MYO5A: variants seen among roughly 807,000 people sequenced by gnomAD.
The protein encoded by MYO5A is unconventional myosin-Va.
MYO5A carries 98 observed loss-of-function variants against 249.7 expected under a neutral mutation model. The ratio of observed to expected loss-of-function variants is 0.39; its 90% confidence interval spans 0.33 to 0.46. The LOEUF is 0.46. MYO5A is among the 20% of genes least tolerant of loss of function. MYO5A has a pLI of 0.98. For synonymous variants in MYO5A, 778 were observed against 810.6 expected (o/e 0.96, Z 0.68); for missense variants, 1,696 against 2,308.8 (o/e 0.73, Z 5.44).
chr15:52,416,131 A>G lies in MYO5A; in HGVS notation c.612+14T>C, dbSNP rs552497339. ...AGAGAATATAGGAAGAAAGCCGAAG[A>G]CTCGCTGTCTTACCTCCATGATGGG... is the stretch of plus-strand genomic sequence containing the variant. On this transcript the variant is annotated intron_variant, in intron 5 of 41. Transcript: ENST00000399233. 3.1e-6 allele frequency: 5 copies of G among 1,613,718 alleles called. No homozygotes were observed. In the East Asian group the frequency reaches 1.1e-4, roughly 36 times the overall value.
chr15:52,361,186 A>G (rs2040506056), intron 24 of MYO5A, among the ~76,000 whole-genome samples: 1 of 152,180 alleles, frequency 6.6e-6, no homozygotes. Context: ...AAAGGGGACA[A>G]TCATCACACA....
intron 1 of MYO5A, among the ~76,000 whole-genome samples, chr15:52,501,279 T>G (rs1405138568): frequency 1.3e-5 from 2 of 148,322 alleles, no homozygotes; most frequent in African/African-American, 4.9e-5. Context: ...CCAGAAAACG[T>G]TTTTTTTTTA....
At chr15:52,417,497 A>G (rs1358023262) in intron 4 of MYO5A, among the ~76,000 whole-genome samples, 1 of 152,210 alleles carries the variant, frequency 6.6e-6, no homozygotes, top group East Asian at 1.9e-4. Flanking sequence ...CATTCAACTA[A>G]AAGTTAAATA....
chr15:52,466,567 T>C (rs2076358234), intron 1 of MYO5A, among the ~76,000 whole-genome samples: 1 of 152,208 alleles, frequency 6.6e-6, no homozygotes, highest in Non-Finnish European at 1.5e-5. Flanking sequence ...AGGTCCCATG[T>C]CTGCCAGCCA....
At chr15:52,451,318 A>G (rs956335036) in intron 1 of MYO5A, among the ~76,000 whole-genome samples, 12 of 151,998 alleles carry the variant, frequency 7.9e-5, no homozygotes, top group African/African-American at 2.9e-4. Flanking sequence ...CCCTCTCTCC[A>G]TCTCTACAGC....
chr15:52,423,893 C>T (rs1398630753), intron 4 of MYO5A, among the ~76,000 whole-genome samples: 2 of 152,178 alleles, frequency 1.3e-5, no homozygotes, highest in East Asian at 3.8e-4. Context: ...AAACCTAATA[C>T]TATCTGTGAA....
intron 37 of MYO5A, 129 bp from the exon 38 acceptor site, chr15:52,321,638 G>A: frequency 3.1e-6 from 3 of 982,476 alleles, no homozygotes; most frequent in African/African-American, 1.6e-5. Flanking sequence ...ACTAATGCCA[G>A]GACTGACATT....
chr15:52,388,004 T>A, intron 13 of MYO5A, 92 bp from the exon 14 acceptor site: 8 of 957,488 alleles, frequency 8.4e-6, no homozygotes. Flanking sequence ...AGTCTCAGGC[T>A]ATACGATCAA....
chr15:52,319,409 T>G (rs533532708), intron 38 of MYO5A, 67 bp from the exon 39 acceptor site: 1 of 1,520,856 alleles, frequency 6.6e-7, no homozygotes, highest in Non-Finnish European at 9.1e-7. Flanking sequence ...CACATATCCA[T>G]GTGCACAAAC....
Position 52,490,902 on chromosome 15 carries a change from G to A in MYO5A, c.27+37878C>T, listed in dbSNP as rs2141536611. Among the ~76,000 whole-genome samples, 2 of 151,946 alleles carry A rather than the reference G, an allele frequency of 1.3e-5. 1 individual carries two copies. Among genetic ancestry groups the A allele is most frequent in the South Asian group, 4.2e-4 (2 of 4,814 alleles). The stretch of plus-strand genomic sequence containing the variant: ...CATCCAGCTAATTTTTTTATTTTTT[G>A]TATAGACGGGGTCTCACTATGTTAC... On this transcript the variant is annotated intron_variant, in intron 1 of 41. Coordinates refer to ENST00000399233, the MANE Select transcript of MYO5A (RefSeq NM_001382347.1).
chr15:52,441,751 T>C (rs2075790101), intron 1 of MYO5A, among the ~76,000 whole-genome samples: 1 of 152,246 alleles, frequency 6.6e-6, no homozygotes, highest in African/African-American at 2.4e-5. Flanking sequence ...TACGATCTTC[T>C]GCTAGAATCC....
At chr15:52,414,889 G>A (rs2043408902) in intron 5 of MYO5A, among the ~76,000 whole-genome samples, 1 of 152,044 alleles carries the variant, frequency 6.6e-6, no homozygotes, top group African/African-American at 2.4e-5. Flanking sequence ...CTCTCTTTCG[G>A]TGCAAACATC....
chr15:52,463,071 T>C (rs1048437283), intron 1 of MYO5A, among the ~76,000 whole-genome samples: 7 of 152,164 alleles, frequency 4.6e-5, no homozygotes, highest in Admixed American at 4.6e-4. Context: ...AAATTGATTG[T>C]CAGTCTATTT....
At chr15:52,347,099 A>G (rs2141007999) in intron 29 of MYO5A, among the ~76,000 whole-genome samples, 1 of 152,176 alleles carries the variant, frequency 6.6e-6, no homozygotes, top group South Asian at 2.1e-4. Flanking sequence ...ATTATTAATT[A>G]TTTTATATAA....
At chr15:52,475,049 T>C (rs1394363947) in intron 1 of MYO5A, among the ~76,000 whole-genome samples, 1 of 152,204 alleles carries the variant, frequency 6.6e-6, no homozygotes, top group Non-Finnish European at 1.5e-5. Flanking sequence ...CTATTAATTA[T>C]TGCCTCAATT....
intron 1 of MYO5A, among the ~76,000 whole-genome samples, chr15:52,442,291 G>T (rs2075799323): frequency 6.6e-6 from 1 of 152,134 alleles, no homozygotes; most frequent in Non-Finnish European, 1.5e-5. Context: ...AGCAAGGAGG[G>T]GGACAGATGG....
chr15:52,444,366 G>A (rs762851194), intron 1 of MYO5A, among the ~76,000 whole-genome samples: 21 of 152,070 alleles, frequency 1.4e-4, no homozygotes, highest in African/African-American at 2.4e-4. Context: ...ACAGGGAAGC[G>A]AACTATATAG....
intron 14 of MYO5A, among the ~76,000 whole-genome samples, chr15:52,384,676 A>C (rs188917306): frequency 1.0e-3 from 152 of 152,332 alleles, no homozygotes; most frequent in African/African-American, 3.5e-3. Context: ...TGAAAGTCTT[A>C]TTACCTCAGT....
At chr15:52,505,043 C>T (rs779953437) in intron 1 of MYO5A, 3 of 502,406 alleles carry the variant, frequency 6.0e-6, no homozygotes, top group Non-Finnish European at 1.1e-5. Flanking sequence ...CCATTATCTT[C>T]GGGAGCTGTG....
Sources: gnomAD v4.1 joint callset for allele counts (sites outside exome capture counted in the v4.1 genomes callset) on GRCh38, gnomAD v4.1.1 for gene constraint, MANE v1.5 for transcripts, NCBI Gene and HGNC (gene_info 2026-07-23, HGNC 2026-07-21) for gene names.